Variants in ABLIM1 observed in about 807,000 individuals in gnomAD.
ABLIM1 encodes the protein actin binding LIM protein 1.
A neutral mutation model predicts 107.0 loss-of-function variants in ABLIM1; 40 were observed. That is an observed-to-expected ratio of 0.37 (90% CI 0.29 to 0.49). The LOEUF (loss-of-function observed/expected upper bound fraction) is 0.49, where lower values mean the gene tolerates loss of function less well. Among genes scored for constraint, ABLIM1 ranks in the 20% least tolerant of loss-of-function variants. The pLI is 0.97. For missense variants in ABLIM1, 857 were observed against 1,008.5 expected (o/e 0.85, Z 2.04); for synonymous variants, 357 against 357.3 (o/e 1.00, Z 0.01).
At chr10:114,525,617 G>A (rs1321410859) in intron 6 of ABLIM1, among the ~76,000 whole-genome samples, 3 of 152,194 alleles carry the variant, frequency 2.0e-5, no homozygotes, top group Non-Finnish European at 2.9e-5. Context: ...TCCATTTATA[G>A]AATGGCAACA....
intron 14 of ABLIM1, chr10:114,450,080 C>G (rs1223906698): frequency 2.5e-6 from 1 of 394,318 alleles, no homozygotes; most frequent in South Asian, 2.0e-5. Flanking sequence ...GTTGACAAAT[C>G]AAATGCTGAG....
At chr10:114,677,019 G>A (rs1391710859) in intron 1 of ABLIM1, among the ~76,000 whole-genome samples, 4 of 152,168 alleles carry the variant, frequency 2.6e-5, no homozygotes, top group African/African-American at 9.7e-5. Context: ...TTACAGGCAT[G>A]AGCCACCGTG....
chr10:114,744,587 A>G (rs528976447), intron 1 of ABLIM1, among the ~76,000 whole-genome samples: 72 of 152,344 alleles, frequency 4.7e-4, no homozygotes, highest in South Asian at 1.5e-3. Context: ...TTGAGGCTGC[A>G]GTGAACCATG....
intron 1 of ABLIM1, among the ~76,000 whole-genome samples, chr10:114,653,720 C>T (rs1310941834): frequency 6.6e-6 from 1 of 152,196 alleles, no homozygotes; most frequent in Non-Finnish European, 1.5e-5. Context: ...TATATTTTTG[C>T]AGAAGCTATT....
At chr10:114,749,450 C>CACACA (rs1555232340) in intron 1 of ABLIM1, among the ~76,000 whole-genome samples, 3 of 141,488 alleles carry the variant, frequency 2.1e-5, no homozygotes, top group African/African-American at 5.1e-5. Flanking sequence ...AACACACACA[C>CACACA]CACACACACA....
intron 12 of ABLIM1, among the ~76,000 whole-genome samples, chr10:114,458,798 G>A (rs2063314137): frequency 6.6e-6 from 1 of 152,178 alleles, no homozygotes; most frequent in African/African-American, 2.4e-5. Context: ...ATGTCTAGCA[G>A]TATTTCAAAG....
chr10:114,614,183 G>T (rs1181785290), intron 1 of ABLIM1, among the ~76,000 whole-genome samples: 1 of 152,132 alleles, frequency 6.6e-6, no homozygotes, highest in African/African-American at 2.4e-5. Context: ...CGGGTGCGGT[G>T]GCTTACACCT....
chr10:114,473,336 C>G (rs536108049), intron 9 of ABLIM1, among the ~76,000 whole-genome samples: 1 of 152,174 alleles, frequency 6.6e-6, no homozygotes, highest in South Asian at 2.1e-4. Context: ...TCACTGAACG[C>G]TTAGGAAAAA....
intron 1 of ABLIM1, among the ~76,000 whole-genome samples, chr10:114,657,647 T>C (rs2079586163): frequency 6.6e-6 from 1 of 152,196 alleles, no homozygotes; most frequent in Admixed American, 6.5e-5. Flanking sequence ...AATAATAACA[T>C]CTACAGATAG....
intron 1 of ABLIM1, among the ~76,000 whole-genome samples, chr10:114,727,133 T>C (rs1317944036): frequency 6.6e-6 from 1 of 152,162 alleles, no homozygotes; most frequent in Admixed American, 6.5e-5. Context: ...TCATTTAATC[T>C]CCCTGCCACC....
At chr10:114,767,943 C>A in intron 1 of ABLIM1, 1 of 338,490 alleles carries the variant, frequency 3.0e-6, no homozygotes, top group Admixed American at 3.5e-5. Flanking sequence ...GCCCGGGGAT[C>A]CGCTGCCAAA....
intron 2 of ABLIM1, among the ~76,000 whole-genome samples, chr10:114,600,319 C>T (rs2075854068): frequency 6.6e-6 from 1 of 152,182 alleles, no homozygotes. Context: ...ATTAAATAAT[C>T]CCTCTGAGAT....
intron 1 of ABLIM1, among the ~76,000 whole-genome samples, chr10:114,709,634 G>A (rs2081502750): frequency 6.6e-6 from 1 of 152,090 alleles, no homozygotes; most frequent in Non-Finnish European, 1.5e-5. Flanking sequence ...CTAGAGGAAA[G>A]GCGAAAGGTT....
rs148191988 is a variant in ABLIM1, at chr10:114,718,107, AAAAGAAAG to A, written c.-213+49946_-213+49953del. On this transcript the variant is annotated intron_variant, in intron 1 of 15. Transcript: ENST00000651092. Reference sequence around the variant, plus strand: ...GAAGGAAGGAAGGAAAAGAAAAAGAAAAAGAAAGAAAGAAAAAGAAAGAAAAGAAAGAA... The same window carrying A: ...GAAGGAAGGAAGGAAAAGAAAAAGAAAAAGAAAAAGAAAGAAAAGAAAGAA... Among the ~76,000 whole-genome samples, 6 of 52,360 alleles carry A rather than the reference AAAAGAAAG, an allele frequency of 1.1e-4. 1 individual carries two copies. The highest frequency in any genetic ancestry group is 1.7e-4 in the Non-Finnish European group (3 of 18,052). The allele number at this position is 52,360 out of a possible 152,430, so 34.4% of individuals were successfully genotyped here.
chr10:114,630,228 T>G (rs2078083475), intron 1 of ABLIM1, among the ~76,000 whole-genome samples: 1 of 152,218 alleles, frequency 6.6e-6, no homozygotes, highest in Non-Finnish European at 1.5e-5. Flanking sequence ...TGTAATTCCC[T>G]TTCCCATCAC....
intron 1 of ABLIM1, among the ~76,000 whole-genome samples, chr10:114,725,700 A>G (rs2081943286): frequency 6.6e-6 from 1 of 150,666 alleles, no homozygotes; most frequent in Admixed American, 6.7e-5. Context: ...CGTTCACTAT[A>G]TATAATATAT....
chr10:114,554,078 C>G (rs924535949), intron 4 of ABLIM1, among the ~76,000 whole-genome samples: 1 of 152,182 alleles, frequency 6.6e-6, no homozygotes, highest in Admixed American at 6.5e-5. Context: ...AGAGGTTAAT[C>G]AGAAATTTTG....
At chr10:114,739,439 A>G (rs1377687522) in intron 1 of ABLIM1, among the ~76,000 whole-genome samples, 1 of 152,220 alleles carries the variant, frequency 6.6e-6, no homozygotes, top group Non-Finnish European at 1.5e-5. Context: ...GCTAATCTTT[A>G]TCTTTCACCA....
At chr10:114,561,339 CACTT>C (rs1283040805) in intron 4 of ABLIM1, among the ~76,000 whole-genome samples, 9 of 152,324 alleles carry the variant, frequency 5.9e-5, no homozygotes, top group African/African-American at 2.2e-4. Flanking sequence ...CGTGACCTGT[CACTT>C]AATACACACA....
Sources: allele counts gnomAD v4.1 joint callset (sites outside exome capture counted in the v4.1 genomes callset), GRCh38; gene constraint gnomAD v4.1.1; transcripts MANE v1.5; gene names NCBI Gene and HGNC (gene_info 2026-07-23, HGNC 2026-07-21).